Variants in ESR1 observed in about 807,000 individuals in gnomAD.
ESR1 encodes the protein estrogen receptor 1.
In ESR1, 12 loss-of-function variants were observed where a neutral mutation model predicts 52.7. That is an observed-to-expected ratio of 0.23 (90% CI 0.15 to 0.37). The LOEUF is 0.37. Ranked by LOEUF, ESR1 falls within the 10% of genes least tolerant of loss-of-function variation. The pLI, the probability that ESR1 is intolerant of heterozygous loss-of-function variation, is 1.00. For synonymous variants in ESR1, 305 were observed against 316.8 expected, an observed-to-expected ratio of 0.96 and a Z score of 0.39; for missense variants, 584 against 779.7, an observed-to-expected ratio of 0.75 and a Z score of 2.99.
At position 151,710,760 on chromosome 6, in the gene ESR1, C is replaced by T. The variant is rs553676740; in HGVS notation, c.-71+8755C>T. 2.6e-5 allele frequency among the ~76,000 whole-genome samples: 4 copies of T among 151,742 alleles called. No homozygotes were observed. In the South Asian group the frequency reaches 6.3e-4, roughly 24 times the overall value. ...CTGACAGGCCCCAGTGTGTGATGTT[C>T]CCCTCCCTGTGTCCTTAGGTTCCCA... On this transcript the variant is annotated intron_variant, in intron 2 of 2. Transcript: ENST00000404742.
In ESR1 at chr6:151,815,760, C is replaced by T. The variant is rs145829828; in HGVS notation, c.452+7396C>T. 4.3e-3 allele frequency among the ~76,000 whole-genome samples: 652 copies of T among 152,284 alleles called. 1 individual carries two copies. The highest frequency in any genetic ancestry group is 7.5e-3 in the Non-Finnish European group (513 of 68,038). On this transcript the variant is annotated intron_variant, in intron 1 of 7. Coordinates refer to ENST00000206249, the MANE Select transcript of ESR1 (RefSeq NM_000125.4). ...CGGTGCTTTCTCAGTCCTTTGCAGA[C>T]GTGTGGAATGGCAAAAAAATTTGAG...
intron 5 of ESR1, among the ~76,000 whole-genome samples, chr6:152,031,877 T>C (rs2044745165): frequency 6.6e-6 from 1 of 152,204 alleles, no homozygotes. Flanking sequence ...TGAACATCGA[T>C]GCAAAAATCC....
chr6:152,092,225 A>G (rs2050244445), intron 6 of ESR1, among the ~76,000 whole-genome samples: 1 of 152,186 alleles, frequency 6.6e-6, no homozygotes, highest in Non-Finnish European at 1.5e-5. Flanking sequence ...TTCCTTCTTA[A>G]TCTGCTGTCT....
At chr6:151,712,478 G>A (rs915248169) in intron 2 of ESR1, among the ~76,000 whole-genome samples, 4 of 152,116 alleles carry the variant, frequency 2.6e-5, no homozygotes, top group South Asian at 2.1e-4. Flanking sequence ...CAAGAGCATC[G>A]AATGTTTTTC....
At chr6:151,743,568 C>T (rs969118765) in intron 2 of ESR1, among the ~76,000 whole-genome samples, 6 of 152,178 alleles carry the variant, frequency 3.9e-5, no homozygotes, top group African/African-American at 9.7e-5. Flanking sequence ...TCAAGCATCA[C>T]ATTTTATTTT....
At chr6:152,077,837 C>CTAAGAAGTAA (rs1271943545) in intron 6 of ESR1, among the ~76,000 whole-genome samples, 2 of 152,194 alleles carry the variant, frequency 1.3e-5, no homozygotes, top group Non-Finnish European at 2.9e-5. Flanking sequence ...CGCATTGTAT[C>CTAAGAAGTAA]TAAGAAGTAA....
intron 3 of ESR1, among the ~76,000 whole-genome samples, chr6:151,937,836 G>T (rs1198373476): frequency 1.3e-5 from 2 of 152,134 alleles, no homozygotes; most frequent in Admixed American, 6.6e-5. Context: ...TGTAACCTCT[G>T]TGCTGCCCGT....
intron 6 of ESR1, among the ~76,000 whole-genome samples, chr6:152,085,279 G>A (rs1239310538): frequency 6.6e-6 from 1 of 151,588 alleles, no homozygotes; most frequent in Non-Finnish European, 1.5e-5. Context: ...CTCCACCCTG[G>A]GTGACAGAGC....
chr6:151,709,637 C>A (rs1780439131), intron 2 of ESR1, among the ~76,000 whole-genome samples: 1 of 152,052 alleles, frequency 6.6e-6, no homozygotes, highest in Non-Finnish European at 1.5e-5. Context: ...ATCTTTTGTC[C>A]TTTTCATAAT....
At chr6:151,860,409 CCTCT>C (rs1218223060) in intron 2 of ESR1, among the ~76,000 whole-genome samples, 3 of 152,094 alleles carry the variant, frequency 2.0e-5, no homozygotes, top group African/African-American at 7.2e-5. Context: ...TTGACCAATA[CCTCT>C]CTATTTTCTC....
intron 3 of ESR1, among the ~76,000 whole-genome samples, chr6:151,889,499 G>A (rs1241346806): frequency 6.6e-6 from 1 of 151,988 alleles, no homozygotes; most frequent in African/African-American, 2.4e-5. Flanking sequence ...GCTATCAGTT[G>A]TAATGTCTCC....
chr6:151,882,000 G>A (rs1793016096), intron 3 of ESR1, among the ~76,000 whole-genome samples: 1 of 152,174 alleles, frequency 6.6e-6, no homozygotes, highest in Non-Finnish European at 1.5e-5. Flanking sequence ...GGTGCTACCT[G>A]CTGATTGTAA....
At chr6:151,872,694 C>T (rs770395356) in intron 2 of ESR1, among the ~76,000 whole-genome samples, 1 of 152,090 alleles carries the variant, frequency 6.6e-6, no homozygotes, top group Non-Finnish European at 1.5e-5. Flanking sequence ...TGCTGCTATT[C>T]CCATACTCCC....
upstream of ESR1, among the ~76,000 whole-genome samples, chr6:151,802,550 T>C (rs527419518): frequency 1.1e-4 from 17 of 152,358 alleles, no homozygotes; most frequent in African/African-American, 3.8e-4. Context: ...CATAGTATTA[T>C]CTGCTTGCGA....
chr6:151,919,098 C>T (rs543499364), intron 3 of ESR1, among the ~76,000 whole-genome samples: 1 of 152,130 alleles, frequency 6.6e-6, no homozygotes, highest in East Asian at 1.9e-4. Context: ...AAGTCCTGCC[C>T]AGGCTTATTT....
intron 6 of ESR1, among the ~76,000 whole-genome samples, chr6:152,083,791 G>A (rs1585168945): frequency 6.6e-6 from 1 of 151,956 alleles, no homozygotes; most frequent in East Asian, 1.9e-4. Context: ...AAAAAAGTTG[G>A]CAAAGGATAT....
intron 1 of ESR1, among the ~76,000 whole-genome samples, chr6:151,670,861 C>T (rs140676037): frequency 3.7e-4 from 56 of 151,696 alleles, no homozygotes; most frequent in African/African-American, 1.3e-3. Context: ...ATCCGCCTCC[C>T]GGGTTCAAGC....
chr6:151,930,147 C>T (rs1036007017), intron 3 of ESR1, among the ~76,000 whole-genome samples: 12 of 94,866 alleles, frequency 1.3e-4, no homozygotes, highest in African/African-American at 3.7e-4. Context: ...CCATGCCCGG[C>T]TAATTTTGTA....
At chr6:151,707,147 A>G (rs1780246946) in intron 2 of ESR1, among the ~76,000 whole-genome samples, 1 of 152,364 alleles carries the variant, frequency 6.6e-6, no homozygotes, top group East Asian at 1.9e-4. Flanking sequence ...TGAAATCATT[A>G]TCTTTCTTAT....
Sources: gnomAD v4.1 joint callset for allele counts (sites outside exome capture counted in the v4.1 genomes callset) on GRCh38, gnomAD v4.1.1 for gene constraint, MANE v1.5 for transcripts, NCBI Gene and HGNC (gene_info 2026-07-23, HGNC 2026-07-21) for gene names.